The following NGEF variants were observed in gnomAD, a reference collection of about 807,000 sequenced individuals.
NGEF encodes neuronal guanine nucleotide exchange factor, also known as ephexin-1.
In NGEF, 31 loss-of-function variants were observed where a neutral mutation model predicts 80.9. That is an observed-to-expected ratio of 0.38 (90% CI 0.29 to 0.52). The LOEUF (loss-of-function observed/expected upper bound fraction) is 0.52. NGEF is among the 20% of genes least tolerant of loss of function. NGEF has a pLI of 0.84. For missense variants in NGEF, 709 were observed against 926.2 expected, an observed-to-expected ratio of 0.77 and a Z score of 3.04; for synonymous variants, 371 against 370.2, an observed-to-expected ratio of 1.00 and a Z score of -0.03.
chr2:232,905,885 G>C (rs1482560699), intron 5 of NGEF: 1 of 188,900 alleles, frequency 5.3e-6, no homozygotes, highest in East Asian at 2.0e-4. Flanking sequence ...CCCCGTCCGG[G>C]AGGGAGGTGG....
In NGEF at chr2:232,894,813, G is replaced by A. The variant is rs138598670; in HGVS notation, c.932C>T (p.Pro311Leu). The change falls in exon 6 of 15, where the codon CCG becomes CTG. Residue 311 changes from proline to leucine, a missense_variant. Around this residue, in one of 2 missense-constraint regions of NGEF, gnomAD observed 426 missense variants for 622.9 expected, o/e 0.68. Transcript: ENST00000264051. ...GGAGAAGAGGATGTGCGCCTCGGAC[G>A]GGTGCAGGATCTTCCTTATCCGCTC... ...ENERIRKILH[P>L]SEAHILFSNV... 10 of 1,611,460 alleles carry A rather than the reference G, an allele frequency of 6.2e-6. No homozygotes were observed. The highest frequency in any genetic ancestry group is 1.1e-5 in the South Asian group (1 of 90,980).
intron 1 of NGEF, among the ~76,000 whole-genome samples, chr2:233,000,656 A>C (rs1279587505): frequency 1.3e-5 from 2 of 151,384 alleles, no homozygotes; most frequent in Admixed American, 1.3e-4. Context: ...GCTACTCAGG[A>C]GGCTGAGGCA....
intron 1 of NGEF, among the ~76,000 whole-genome samples, chr2:232,989,782 T>A (rs1217386455): frequency 6.6e-6 from 1 of 152,250 alleles, no homozygotes; most frequent in Non-Finnish European, 1.5e-5. Flanking sequence ...TGTTTTAATT[T>A]CTTTATCAAA....
chr2:232,944,726 A>AACATATATATATATAT (rs988760226), intron 3 of NGEF, among the ~76,000 whole-genome samples: 14 of 108,740 alleles, frequency 1.3e-4, no homozygotes, highest in Admixed American at 1.0e-3. Context: ...GACTTTTCCG[A>AACATATATATATATAT]ATATATATAT....
At chr2:232,959,166 T>A (rs767412711) in intron 3 of NGEF, among the ~76,000 whole-genome samples, 68 of 152,214 alleles carry the variant, frequency 4.5e-4, no homozygotes, top group Non-Finnish European at 8.2e-4. Context: ...CTTCCTTTCT[T>A]TCTTGTTTTT....
chr2:232,895,298 G>A (rs554492075), intron 5 of NGEF, among the ~76,000 whole-genome samples: 15 of 152,030 alleles, frequency 9.9e-5, no homozygotes, highest in South Asian at 2.1e-4. Flanking sequence ...AGGCCGAGGC[G>A]GGCAGATCAC....
At chr2:232,972,969 C>A (rs1453739735) in intron 2 of NGEF, among the ~76,000 whole-genome samples, 1 of 151,976 alleles carries the variant, frequency 6.6e-6, no homozygotes, top group Non-Finnish European at 1.5e-5. Context: ...GTTGGCCAGG[C>A]TGGTCTCGAA....
At chr2:232,882,026 TAA>T (rs1691520589) in intron 13 of NGEF, among the ~76,000 whole-genome samples, 158 bp downstream of exon 13, 2 of 152,200 alleles carry the variant, frequency 1.3e-5, no homozygotes. Flanking sequence ...TGGCCGGTAC[TAA>T]GTTTCCAGTA....
chr2:232,920,696 G>T, intron 4 of NGEF, 111 bp from the exon 5 acceptor site: 1 of 1,099,568 alleles, frequency 9.1e-7, no homozygotes, highest in Non-Finnish European at 1.3e-6. Context: ...CTGTGTCCAG[G>T]AATACACAGT....
intron 5 of NGEF, among the ~76,000 whole-genome samples, chr2:232,904,920 G>A (rs1194167063): frequency 6.6e-6 from 1 of 152,168 alleles, no homozygotes; most frequent in Non-Finnish European, 1.5e-5. Context: ...TCCCGCCTGG[G>A]CCACAGAGTG....
intron 3 of NGEF, among the ~76,000 whole-genome samples, chr2:232,943,790 C>T (rs1464119297): frequency 1.3e-5 from 2 of 151,386 alleles, no homozygotes; most frequent in African/African-American, 4.9e-5. Context: ...CCACTGTGCC[C>T]GGCCCGGAAT....
chr2:232,985,513 G>A (rs1201157772), intron 1 of NGEF, among the ~76,000 whole-genome samples: 2 of 152,176 alleles, frequency 1.3e-5, no homozygotes, highest in Non-Finnish European at 2.9e-5. Flanking sequence ...AGCACTTTGG[G>A]AGGCTGAGGC....
chr2:232,920,139 T>C, intron 5 of NGEF, 145 bp downstream of exon 5: 2 of 727,348 alleles, frequency 2.7e-6, no homozygotes, highest in Non-Finnish European at 4.5e-6. Context: ...TTTATTTTTC[T>C]GCATGTTCTA....
At chr2:232,920,173 C>A in intron 5 of NGEF, 111 bp downstream of exon 5, 1 of 1,035,260 alleles carries the variant, frequency 9.7e-7, no homozygotes, top group Non-Finnish European at 1.4e-6. Context: ...GCCAGCGATT[C>A]CTCTGGTGAA....
chr2:232,893,076 GA>G (rs2106232069), intron 6 of NGEF, 26 bp from the exon 7 acceptor site: 2 of 1,603,808 alleles, frequency 1.2e-6, no homozygotes, highest in East Asian at 4.5e-5. Context: ...GCTTGAGGCG[GA>G]GGGTGCCCGG....
At chr2:232,896,388 A>T (rs115250742) in intron 5 of NGEF, among the ~76,000 whole-genome samples, 2 of 152,044 alleles carry the variant, frequency 1.3e-5, no homozygotes, top group East Asian at 3.9e-4. Flanking sequence ...TCCTCTGCAG[A>T]GCTGTCAGAG....
chr2:232,964,207 C>A (rs1170528899), intron 3 of NGEF, among the ~76,000 whole-genome samples: 2 of 152,078 alleles, frequency 1.3e-5, no homozygotes, highest in East Asian at 3.9e-4. Context: ...AAATGTACAC[C>A]TATTCTAAGA....
At chr2:232,887,700 G>A (rs1453665558) in intron 9 of NGEF, among the ~76,000 whole-genome samples, 1 of 152,160 alleles carries the variant, frequency 6.6e-6, no homozygotes, top group Non-Finnish European at 1.5e-5. Flanking sequence ...AGAGGAATCA[G>A]GGCCTGTGCA....
intron 5 of NGEF, among the ~76,000 whole-genome samples, chr2:232,896,520 AGGGTGAGGGTGG>A (rs1490739858): frequency 1.7e-5 from 1 of 58,702 alleles, no homozygotes; most frequent in Non-Finnish European, 3.3e-5. Context: ...GCCTGGGGTA[AGGGTGAGGGTGG>A]GGGTGAGGGT....
Sources: allele counts gnomAD v4.1 joint callset (sites outside exome capture counted in the v4.1 genomes callset), GRCh38; gene constraint gnomAD v4.1.1; regional missense constraint gnomAD v4.1.1; transcripts MANE v1.5; gene names NCBI Gene and HGNC (gene_info 2026-07-23, HGNC 2026-07-21).